PCNX1: variants seen among roughly 807,000 people sequenced by gnomAD.
The protein encoded by PCNX1 is pecanex 1.
PCNX1 carries 78 observed loss-of-function variants against 242.2 expected under a neutral mutation model. The observed-to-expected ratio is 0.32, with a 90% CI of 0.27 to 0.39. PCNX1 has a LOEUF of 0.39. Among genes scored for constraint, PCNX1 ranks in the 10% least tolerant of loss-of-function variants. PCNX1 has a pLI of 1.00. For synonymous variants in PCNX1, 1,024 were observed against 1,032.9 expected, an observed-to-expected ratio of 0.99 and a Z score of 0.17; for missense variants, 2,581 against 2,856.5, an observed-to-expected ratio of 0.90 and a Z score of 2.20.
intron 1 of PCNX1, among the ~76,000 whole-genome samples, chr14:70,914,261 A>G (rs1377734230): frequency 1.3e-5 from 2 of 152,218 alleles, no homozygotes; most frequent in Non-Finnish European, 2.9e-5. Context: ...CAGGATCATT[A>G]GAAGCCAAAC....
At chr14:70,954,811 A>T (rs763918250) in intron 2 of PCNX1, among the ~76,000 whole-genome samples, 1 of 152,100 alleles carries the variant, frequency 6.6e-6, no homozygotes, top group Non-Finnish European at 1.5e-5. Context: ...ATTGGTGTAC[A>T]TCCTTGTCTT....
chr14:71,021,874 A>G (rs2060111270), intron 12 of PCNX1, among the ~76,000 whole-genome samples: 2 of 151,978 alleles, frequency 1.3e-5, no homozygotes, highest in Non-Finnish European at 2.9e-5. Context: ...AGAATTCTCT[A>G]GGACTTATGT....
intron 26 of PCNX1, among the ~76,000 whole-genome samples, chr14:71,064,784 C>T (rs2141319007): frequency 6.6e-6 from 1 of 152,302 alleles, no homozygotes; most frequent in East Asian, 1.9e-4. Flanking sequence ...CATCCCCCGA[C>T]AGGCCTGGGT....
At chr14:70,994,396 G>GATATATATATATGTAT (rs2059267360) in intron 7 of PCNX1, among the ~76,000 whole-genome samples, 16 of 96,962 alleles carry the variant, frequency 1.7e-4, no homozygotes, top group Non-Finnish European at 2.6e-4. Flanking sequence ...ACAGGCTTAA[G>GATATATATATATGTAT]ATATATATAT....
Position 71,076,330 on chromosome 14 carries a change from T to A in PCNX1, c.5248T>A (p.Tyr1750Asn). The A allele has an allele frequency of 6.2e-7, 1 of 1,613,968 alleles. No homozygotes were observed. The highest frequency in any genetic ancestry group is 1.1e-5 in the South Asian group (1 of 91,078). ...CTTTAATCCAAACATTGATGAAGAC[T>A]ATGACCACCGACTGGCAGGCATATC... ...PTFNPNIDED[Y>N]DHRLAGISRE... Residue 1750 changes from tyrosine to asparagine, a missense_variant, in exon 28 of 36, where the codon TAT becomes AAT. Tyr to Asn is a moderately radical substitution (Grantham distance 143, BLOSUM62 -2). This residue lies in a region of PCNX1 where 298 missense variants were observed against 480.1 expected (regional missense o/e 0.62). Transcript: ENST00000304743.
rs981185156 is a variant in PCNX1 at position 70,973,541 on chromosome 14, A to T, written c.605-3401A>T. On this transcript the variant is annotated intron_variant, in intron 5 of 35. Transcript: ENST00000304743. The stretch of plus-strand genomic sequence containing the variant: ...GGGAGTTGAATTGGAATACAAAGAG[A>T]ATTGGAGGAGAAGAATCAGACAGTG... 2.0e-5 allele frequency among the ~76,000 whole-genome samples: 3 copies of T among 152,020 alleles called. No homozygotes were observed. In the South Asian group the frequency reaches 6.2e-4, roughly 32 times the overall value.
At chr14:70,947,701 T>G (rs1594989396) in intron 2 of PCNX1, among the ~76,000 whole-genome samples, 2 of 152,202 alleles carry the variant, frequency 1.3e-5, no homozygotes, top group African/African-American at 4.8e-5. Context: ...TTGAGCAATA[T>G]GAAATCTGGG....
chr14:70,908,142 A>C (rs3094888), intron 1 of PCNX1, 139 bp downstream of exon 1: 1 of 731,274 alleles, frequency 1.4e-6, no homozygotes, highest in Non-Finnish European at 2.0e-6. Flanking sequence ...CCCCGCCCCC[A>C]CTGCGTGCTC....
intron 29 of PCNX1, among the ~76,000 whole-genome samples, chr14:71,088,813 T>C (rs1341519979): frequency 6.6e-6 from 1 of 152,200 alleles, no homozygotes; most frequent in Non-Finnish European, 1.5e-5. Context: ...TATATTAGAT[T>C]CGGGGATTCT....
intron 1 of PCNX1, among the ~76,000 whole-genome samples, chr14:70,932,095 C>T (rs1323165249): frequency 6.6e-6 from 1 of 152,164 alleles, no homozygotes; most frequent in Non-Finnish European, 1.5e-5. Context: ...CCATTGCACT[C>T]CAGCCTGGGC....
rs2062722403 is a variant in PCNX1, at chr14:71,109,906, G to A, written c.6997G>A (p.Gly2333Arg). The change falls in exon 36 of 36, where the codon GGG (glycine) becomes AGG (arginine). Residue 2333 changes from glycine (G) to arginine (R), a missense_variant. Coordinates refer to ENST00000304743, the MANE Select transcript of PCNX1 (RefSeq NM_014982.3). ...TAAATATGTGACTGTAATTGAAACT[G>A]GGGTACTAGAACTTGGGGCTGAAGT... ...DDKYVTVIET[G>R]VLELGAEV 1 of 1,613,068 alleles carries A rather than the reference G, an allele frequency of 6.2e-7. No individual in the cohort carries two copies. The highest frequency in any genetic ancestry group is 1.7e-5 in the Admixed American group (1 of 59,978).
chr14:70,933,386 G>A (rs1199827069), intron 1 of PCNX1, among the ~76,000 whole-genome samples: 1 of 152,176 alleles, frequency 6.6e-6, no homozygotes, highest in African/African-American at 2.4e-5. Context: ...GGAGGTTTTT[G>A]TATGCCCCAT....
chr14:70,918,784 G>A (rs868531615), intron 1 of PCNX1, among the ~76,000 whole-genome samples: 9 of 152,110 alleles, frequency 5.9e-5, no homozygotes, highest in African/African-American at 2.2e-4. Context: ...AGTATTGAGA[G>A]TACTTGTTTT....
chr14:71,091,962 C>T (rs1053921695), intron 30 of PCNX1, among the ~76,000 whole-genome samples: 8 of 152,306 alleles, frequency 5.3e-5, no homozygotes, highest in African/African-American at 1.7e-4. Context: ...TGATCTGTTG[C>T]AGTTCTTGTG....
chr14:70,916,633 A>G lies in PCNX1; in HGVS notation c.153+8630A>G, dbSNP rs535242749. Among the ~76,000 whole-genome samples, 16 of 152,306 alleles carry G rather than the reference A, an allele frequency of 1.1e-4. No homozygotes were observed. In the East Asian group the frequency reaches 2.9e-3, roughly 28 times the overall value. ...TGTATATACCTTAATTAAAAAATAC[A>G]TTATTGCTTAAAAATATGCCAAGGA... is the stretch of plus-strand genomic sequence containing the variant. On this transcript the variant is annotated intron_variant, in intron 1 of 35. Transcript: ENST00000304743.
chr14:70,990,281 G>C (rs2059125236), intron 7 of PCNX1, among the ~76,000 whole-genome samples: 1 of 151,956 alleles, frequency 6.6e-6, no homozygotes, highest in Non-Finnish European at 1.5e-5. Flanking sequence ...TAATAAAAAG[G>C]CTGGGCGCTG....
chr14:71,105,246 G>A lies in PCNX1; in HGVS notation c.6107G>A (p.Gly2036Asp). The A allele has an allele frequency of 1.9e-6, 3 of 1,613,720 alleles. No homozygotes were observed. The highest frequency in any genetic ancestry group is 2.5e-6 in the Non-Finnish European group (3 of 1,179,656). ...IVSTWHRLRKGCGAGCNSGGN... is the reference protein window; with the variant it reads ...IVSTWHRLRKDCGAGCNSGGN... Reference sequence around the variant, plus strand: ...GTATTTGTTCCTAGGCTTAGGAAAGGTTGCGGAGCTGGATGTAACAGTGGT... The same window carrying A: ...GTATTTGTTCCTAGGCTTAGGAAAGATTGCGGAGCTGGATGTAACAGTGGT... The change falls in exon 33 of 36, where the codon GGT (glycine) becomes GAT (aspartate). Residue 2036 changes from glycine (G) to aspartate (D), a missense_variant. Gly to Asp is a moderately conservative substitution (Grantham distance 94). Coordinates refer to ENST00000304743, the MANE Select transcript of PCNX1 (RefSeq NM_014982.3).
intron 13 of PCNX1, among the ~76,000 whole-genome samples, chr14:71,025,118 A>G (rs2060205465): frequency 6.6e-6 from 1 of 152,064 alleles, no homozygotes; most frequent in African/African-American, 2.4e-5. Flanking sequence ...TTCCTTCTAC[A>G]TTTATTAGTT....
chr14:71,105,156 G>T lies in PCNX1; in HGVS notation c.6096-79G>T. On this transcript the variant is annotated intron_variant, in intron 32 of 35. Coordinates refer to ENST00000304743, the MANE Select transcript of PCNX1 (RefSeq NM_014982.3). ...GAACATTAGTAGCATTTGCAGTTCA[G>T]AATAGCTGGAAAAAGAATAAAATAC... 3 of 1,073,550 alleles carry T rather than the reference G, an allele frequency of 2.8e-6. No individual in the cohort carries two copies. The East Asian group carries it at 7.3e-5, about 26-fold the overall frequency. 66.5% of individuals were successfully genotyped at this position (1,073,550 alleles called of 1,614,324 possible). A position where few individuals can be genotyped will look rare whatever the true frequency, so the allele number is the denominator to read the frequency against.
Sources: gnomAD v4.1 joint callset for allele counts (sites outside exome capture counted in the v4.1 genomes callset) on GRCh38, gnomAD v4.1.1 for gene constraint, gnomAD v4.1.1 regional missense constraint, MANE v1.5 for transcripts, NCBI Gene and HGNC (gene_info 2026-07-23, HGNC 2026-07-21) for gene names.